KCNMA1: variants seen among roughly 807,000 people sequenced by gnomAD.
The protein encoded by KCNMA1 is Calcium-activated potassium channel subunit alpha-1.
Under a neutral mutation model 140.0 loss-of-function variants are expected in KCNMA1, and 29 were observed. The observed-to-expected ratio is 0.21, with a 90% CI of 0.15 to 0.28. KCNMA1 has a LOEUF of 0.28. Among genes scored for constraint, KCNMA1 ranks in the 10% least tolerant of loss-of-function variants. KCNMA1 has a pLI of 1.00. For synonymous variants in KCNMA1, 612 were observed against 611.9 expected, an observed-to-expected ratio of 1.00 and a Z score of 0.00; for missense variants, 880 against 1,602.2, an observed-to-expected ratio of 0.55 and a Z score of 7.70.
chr10:77,347,520 G>A (rs563631729), intron 2 of KCNMA1, among the ~76,000 whole-genome samples: 39 of 152,142 alleles, frequency 2.6e-4, no homozygotes, highest in Non-Finnish European at 4.6e-4. Flanking sequence ...TTAGAGAGAC[G>A]CTTGGGGATG....
chr10:77,142,491 A>G (rs2098200965), intron 5 of KCNMA1, among the ~76,000 whole-genome samples: 1 of 152,196 alleles, frequency 6.6e-6, no homozygotes, highest in African/African-American at 2.4e-5. Flanking sequence ...GTGAATGTGT[A>G]TGGAAAATGT....
At chr10:76,915,085 G>A (rs749553450) in intron 23 of KCNMA1, 36 bp from the exon 24 acceptor site, 1 of 1,496,374 alleles carries the variant, frequency 6.7e-7, no homozygotes, top group South Asian at 1.1e-5. Flanking sequence ...AGAAAAATCA[G>A]AGAAGTAGAA....
At position 76,935,190 on chromosome 10, in the gene KCNMA1, A is replaced by G. The variant is rs187309754; in HGVS notation, c.2902+9583T>C. On this transcript the variant is annotated intron_variant, in intron 23 of 27. Coordinates refer to ENST00000286628, the MANE Select transcript of KCNMA1 (RefSeq NM_001161352.2). ...GGAACAGCTAGGGTCAAGGGGCTCA[A>G]AAAATGGGGATTCACAGAGACAAGA... Among the ~76,000 whole-genome samples the G allele has an allele frequency of 2.0e-3, 298 of 152,326 alleles. 1 individual carries two copies. Among genetic ancestry groups the G allele is most frequent in the African/African-American group, 6.6e-3 (275 of 41,584 alleles).
Position 77,112,415 on chromosome 10 carries a change from G to C in KCNMA1, c.912C>G (p.Leu304=). The C allele has an allele frequency of 1.2e-6, 2 of 1,613,924 alleles. No homozygotes were observed. The highest frequency in any genetic ancestry group is 1.7e-6 in the Non-Finnish European group (2 of 1,179,834). Residue 304 remains leucine (L), a synonymous_variant, in exon 7 of 28, where the codon CTC becomes CTG. Transcript: ENST00000286628. ...TCAGCCACGTGCTGATAAATATGGAGAGCAGATTCACCAGCTTGATGGAAT... is the reference window on the plus strand; with the variant it reads ...TCAGCCACGTGCTGATAAATATGGACAGCAGATTCACCAGCTTGATGGAAT... ...TSNSIKLVNL[L]SIFISTWLTA...
At chr10:76,974,274 A>G in intron 19 of KCNMA1, 1 of 509,348 alleles carries the variant, frequency 2.0e-6, no homozygotes, top group Non-Finnish European at 3.5e-6. Context: ...GTCTTGCACA[A>G]GCTGCCAGTT....
intron 1 of KCNMA1, chr10:77,498,988 AAT>A (rs2042877837): frequency 6.6e-6 from 1 of 152,166 alleles, no homozygotes; most frequent in East Asian, 1.9e-4. Context: ...CAATCTATAT[AAT>A]GAGGACAAAC....
At chr10:77,139,646 C>T (rs1871063) in intron 5 of KCNMA1, among the ~76,000 whole-genome samples, 23,121 of 152,172 alleles carry the variant, frequency 0.15, 3,768 homozygotes, top group East Asian at 0.87. Flanking sequence ...AGCTATCCCT[C>T]CCTAAGACTG....
intron 2 of KCNMA1, among the ~76,000 whole-genome samples, chr10:77,395,131 G>A (rs2154448341): frequency 6.6e-6 from 1 of 152,132 alleles, no homozygotes; most frequent in African/African-American, 2.4e-5. Context: ...AGGATTGCCT[G>A]GGCCCAGGGG....
intron 13 of KCNMA1, among the ~76,000 whole-genome samples, chr10:77,079,037 G>A (rs956680087): frequency 2.0e-5 from 3 of 152,290 alleles, no homozygotes; most frequent in South Asian, 2.1e-4. Context: ...TTGGGAGGCC[G>A]AGGCGGGCAG....
chr10:77,307,301 T>C (rs1159354443), intron 2 of KCNMA1, among the ~76,000 whole-genome samples: 1 of 152,134 alleles, frequency 6.6e-6, no homozygotes, highest in Non-Finnish European at 1.5e-5. Flanking sequence ...GCAGACACAG[T>C]CCCCAACTTA....
intron 23 of KCNMA1, among the ~76,000 whole-genome samples, chr10:76,924,795 A>C (rs2152562131): frequency 6.6e-6 from 1 of 152,240 alleles, no homozygotes; most frequent in East Asian, 1.9e-4. Context: ...TGTAAGAGCT[A>C]CTCAATCTCA....
chr10:77,397,199 AGT>A (rs1195904356), intron 2 of KCNMA1, among the ~76,000 whole-genome samples: 4 of 152,190 alleles, frequency 2.6e-5, no homozygotes, highest in Non-Finnish European at 5.9e-5. Context: ...CTTTACAAAG[AGT>A]GTGACACTCT....
At chr10:77,458,890 C>T (rs908476403) in intron 1 of KCNMA1, among the ~76,000 whole-genome samples, 1 of 152,204 alleles carries the variant, frequency 6.6e-6, no homozygotes, top group African/African-American at 2.4e-5. Flanking sequence ...AGCTCAATAA[C>T]CACAGATGGC....
intron 2 of KCNMA1, among the ~76,000 whole-genome samples, chr10:77,389,847 A>G (rs2095750741): frequency 6.6e-6 from 1 of 152,216 alleles, no homozygotes; most frequent in South Asian, 2.1e-4. Flanking sequence ...AGTCAAAAGC[A>G]GGCACCGTAA....
intron 19 of KCNMA1, among the ~76,000 whole-genome samples, chr10:76,983,088 G>A (rs554028161): frequency 6.6e-6 from 1 of 152,204 alleles, no homozygotes; most frequent in African/African-American, 2.4e-5. Flanking sequence ...AGAACTGGAA[G>A]GAAACCCGTC....
At chr10:77,216,733 T>C (rs779405448) in intron 3 of KCNMA1, among the ~76,000 whole-genome samples, 1 of 152,258 alleles carries the variant, frequency 6.6e-6, no homozygotes, top group African/African-American at 2.4e-5. Flanking sequence ...AACTCATTCA[T>C]TCATAAGAAA....
intron 27 of KCNMA1, among the ~76,000 whole-genome samples, chr10:76,888,536 T>C (rs2038358260): frequency 6.6e-6 from 1 of 152,172 alleles, no homozygotes; most frequent in Admixed American, 6.5e-5. Flanking sequence ...GCCTAGGGTA[T>C]ATTATGCAAA....
At chr10:76,952,424 G>A (rs1315247091) in intron 21 of KCNMA1, among the ~76,000 whole-genome samples, 3 of 152,214 alleles carry the variant, frequency 2.0e-5, no homozygotes, top group Non-Finnish European at 4.4e-5. Flanking sequence ...GGAGGCTGAG[G>A]CAGGAGAATC....
At chr10:76,930,628 T>C (rs967724148) in intron 23 of KCNMA1, among the ~76,000 whole-genome samples, 6 of 152,252 alleles carry the variant, frequency 3.9e-5, no homozygotes, top group African/African-American at 9.6e-5. Context: ...TGGGTATATA[T>C]CCAACAGAAA....
Sources: gnomAD v4.1 joint callset for allele counts (sites outside exome capture counted in the v4.1 genomes callset) on GRCh38, gnomAD v4.1.1 for gene constraint, MANE v1.5 for transcripts, NCBI Gene and HGNC (gene_info 2026-07-23, HGNC 2026-07-21) for gene names.